The following CFAP54 variants were observed in gnomAD, a reference collection of about 807,000 sequenced individuals.
CFAP54 encodes cilia- and flagella-associated protein 54.
A neutral mutation model predicts 370.4 loss-of-function variants in CFAP54; 290 were observed. The observed-to-expected ratio is 0.78, with a 90% CI of 0.71 to 0.86. CFAP54 has a LOEUF of 0.86. Among genes scored for constraint, CFAP54 ranks in the 40% least tolerant of loss-of-function variants. The pLI is 0.00. For synonymous variants in CFAP54, 1,206 were observed against 1,236.5 expected (o/e 0.98, Z 0.52); for missense variants, 3,399 against 3,528.7 (o/e 0.96, Z 0.93).
intron 5 of CFAP54, among the ~76,000 whole-genome samples, 170 bp downstream of exon 5, chr12:96,513,214 A>T (rs899316503): frequency 6.6e-6 from 1 of 152,026 alleles, no homozygotes; most frequent in Non-Finnish European, 1.5e-5. Flanking sequence ...GTTTTGCTTT[A>T]ATAGGGATCA....
At position 96,647,849 on chromosome 12, in the gene CFAP54, T is replaced by C. The variant is rs555281212; in HGVS notation, c.4548-26T>C. 126 of 1,479,276 alleles carry C rather than the reference T, an allele frequency of 8.5e-5. No homozygotes were observed. In the African/African-American group the frequency reaches 1.7e-3, roughly 20 times the overall value. 91.6% of individuals were successfully genotyped at this position (1,479,276 alleles called of 1,614,324 possible). The stretch of plus-strand genomic sequence containing the variant: ...AATTCAATTTTGCTTATATTGTTTT[T>C]TAATATGATTTTTCCCCCCTTGCAG... On this transcript the variant is annotated intron_variant, in intron 33 of 67. Coordinates refer to ENST00000524981, the MANE Select transcript of CFAP54 (RefSeq NM_001306084.2).
In CFAP54 at chr12:96,504,001, G is replaced by C. The variant is rs1460378967; in HGVS notation, c.539G>C (p.Gly180Ala). 5.3e-6 allele frequency: 8 copies of C among 1,520,484 alleles called. No individual in the cohort carries two copies. Among genetic ancestry groups the C allele is most frequent in the Non-Finnish European group, 7.0e-6 (8 of 1,142,642 alleles). The allele number at this position is 1,520,484 out of a possible 1,614,324, so 94.2% of individuals were successfully genotyped here. The change falls in exon 3 of 68, where the codon GGC becomes GCC. Residue 180 changes from glycine to alanine, a missense_variant. Gly to Ala is a moderately conservative substitution (Grantham distance 60). This residue lies in a region of CFAP54 where 559 missense variants were observed against 576.7 expected (regional missense o/e 0.97). Coordinates refer to ENST00000524981, the MANE Select transcript of CFAP54 (RefSeq NM_001306084.2). ...TQFKATFFPK[G>A]FKDKTAGLTF... ...TTCAAAGCTACCTTTTTCCCAAAAGGCTTTAAAGATAAAACTGCTGGACTT... is the reference window on the plus strand; with the variant it reads ...TTCAAAGCTACCTTTTTCCCAAAAGCCTTTAAAGATAAAACTGCTGGACTT...
At chr12:96,505,171 C>T (rs1001300267) in intron 3 of CFAP54, among the ~76,000 whole-genome samples, 2 of 151,636 alleles carry the variant, frequency 1.3e-5, no homozygotes, top group African/African-American at 2.4e-5. Flanking sequence ...TCAAGCAATT[C>T]TCCTGCCTCA....
At chr12:96,810,208 G>T (rs1958917574) in intron 63 of CFAP54, among the ~76,000 whole-genome samples, 3 of 152,008 alleles carry the variant, frequency 2.0e-5, no homozygotes, top group Non-Finnish European at 4.4e-5. Flanking sequence ...CATGCTTGTT[G>T]TTGGCAACCC....
intron 9 of CFAP54, among the ~76,000 whole-genome samples, chr12:96,531,426 G>A (rs1352987507): frequency 1.3e-5 from 2 of 151,526 alleles, no homozygotes; most frequent in Non-Finnish European, 2.9e-5. Flanking sequence ...ATACTTTGAG[G>A]TCATATCTTT....
intron 8 of CFAP54, among the ~76,000 whole-genome samples, chr12:96,522,408 G>T (rs1374127112): frequency 6.6e-6 from 1 of 152,166 alleles, no homozygotes; most frequent in Non-Finnish European, 1.5e-5. Flanking sequence ...CAGTTTTGCA[G>T]CCTTAAAGAA....
At chr12:96,726,800 C>T (rs1424655826) in intron 50 of CFAP54, among the ~76,000 whole-genome samples, 1 of 151,778 alleles carries the variant, frequency 6.6e-6, no homozygotes, top group Non-Finnish European at 1.5e-5. Flanking sequence ...CCTGCTTTCT[C>T]TTGTGGGCAT....
At chr12:96,532,750 A>G (rs1182631175) in intron 9 of CFAP54, among the ~76,000 whole-genome samples, 2 of 152,064 alleles carry the variant, frequency 1.3e-5, no homozygotes, top group Admixed American at 1.3e-4. Flanking sequence ...CCTCCTGAGT[A>G]GCTGTGAATA....
intron 64 of CFAP54, 54 bp downstream of exon 64, chr12:96,811,896 T>C (rs764959249): frequency 2.7e-6 from 3 of 1,092,310 alleles, no homozygotes; most frequent in Non-Finnish European, 3.8e-6. Flanking sequence ...CTCACGAGAA[T>C]AGACTCTTTC....
chr12:96,697,555 T>C (rs1375389350), intron 45 of CFAP54, among the ~76,000 whole-genome samples: 1 of 152,228 alleles, frequency 6.6e-6, no homozygotes, highest in Non-Finnish European at 1.5e-5. Flanking sequence ...ATGTATCCAA[T>C]TTCCCACTAG....
At chr12:96,749,919 T>C (rs1958163916) in intron 55 of CFAP54, among the ~76,000 whole-genome samples, 1 of 152,158 alleles carries the variant, frequency 6.6e-6, no homozygotes, top group East Asian at 1.9e-4. Context: ...ATGCTGCAAG[T>C]GGTGGTTAAG....
intron 62 of CFAP54, among the ~76,000 whole-genome samples, chr12:96,790,016 C>G (rs1440682640): frequency 1.3e-5 from 2 of 152,104 alleles, no homozygotes; most frequent in Non-Finnish European, 2.9e-5. Flanking sequence ...ACCTACTTTC[C>G]CCCACAAAGA....
intron 8 of CFAP54, 82 bp downstream of exon 8, chr12:96,522,271 C>CA: frequency 1.1e-6 from 1 of 932,356 alleles, no homozygotes; most frequent in South Asian, 1.7e-5. Flanking sequence ...CAAGCCTAGT[C>CA]ACTCATTATT....
At chr12:96,638,374 T>G (rs1441248826) in intron 32 of CFAP54, among the ~76,000 whole-genome samples, 1 of 151,644 alleles carries the variant, frequency 6.6e-6, no homozygotes, top group East Asian at 1.9e-4. Flanking sequence ...TAGCTAGGAC[T>G]GCAGGCATGT....
At chr12:96,825,539 T>A (rs1226526164) in intron 65 of CFAP54, among the ~76,000 whole-genome samples, 1 of 109,950 alleles carries the variant, frequency 9.1e-6, no homozygotes, top group African/African-American at 3.6e-5. Context: ...TTATTTACTA[T>A]ATATTATATA....
At chr12:96,739,647 A>G (rs79051439) in intron 50 of CFAP54, among the ~76,000 whole-genome samples, 4 of 152,136 alleles carry the variant, frequency 2.6e-5, no homozygotes, top group African/African-American at 9.7e-5. Flanking sequence ...TTATTCTTCT[A>G]TTCACTCATT....
intron 66 of CFAP54, among the ~76,000 whole-genome samples, chr12:96,849,453 T>C (rs1432351077): frequency 6.6e-6 from 1 of 152,182 alleles, no homozygotes; most frequent in Non-Finnish European, 1.5e-5. Context: ...AAAACGTAAC[T>C]GACAGTGTGC....
intron 23 of CFAP54, among the ~76,000 whole-genome samples, chr12:96,592,230 T>C (rs2136435228): frequency 6.6e-6 from 1 of 152,352 alleles, no homozygotes; most frequent in Admixed American, 6.5e-5. Flanking sequence ...TATAGTGATT[T>C]TGTTATCTTG....
chr12:96,625,681 A>C, intron 28 of CFAP54, 37 bp from the exon 29 acceptor site: 1 of 1,390,290 alleles, frequency 7.2e-7, no homozygotes. Flanking sequence ...TTGCGTTACT[A>C]AACAGAACAT....
Sources: allele counts gnomAD v4.1 joint callset (sites outside exome capture counted in the v4.1 genomes callset), GRCh38; gene constraint gnomAD v4.1.1; regional missense constraint gnomAD v4.1.1; transcripts MANE v1.5; gene names NCBI Gene and HGNC (gene_info 2026-07-23, HGNC 2026-07-21).